Variants in HMCN1 observed in about 807,000 individuals in gnomAD.
The protein encoded by HMCN1 is hemicentin 1.
Under a neutral mutation model 625.9 loss-of-function variants are expected in HMCN1, and 321 were observed. The ratio of observed to expected loss-of-function variants is 0.51; its 90% confidence interval spans 0.47 to 0.56. The LOEUF is 0.56. Among genes scored for constraint, HMCN1 ranks in the 20% least tolerant of loss-of-function variants. The pLI, the probability that HMCN1 is intolerant of heterozygous loss-of-function variation, is 0.00. For synonymous variants in HMCN1, 2,425 were observed against 2,417.6 expected, an observed-to-expected ratio of 1.00 and a Z score of -0.09; for missense variants, 6,588 against 6,887.3, an observed-to-expected ratio of 0.96 and a Z score of 1.54.
intron 15 of HMCN1, among the ~76,000 whole-genome samples, chr1:185,975,210 T>C (rs1651109229): frequency 1.3e-5 from 2 of 152,184 alleles, no homozygotes; most frequent in South Asian, 4.1e-4. Context: ...AACTAGGTCT[T>C]AGAGACTTCG....
intron 42 of HMCN1, among the ~76,000 whole-genome samples, chr1:186,049,828 CT>C (rs1166297037): frequency 5.9e-5 from 9 of 151,786 alleles, no homozygotes; most frequent in African/African-American, 1.9e-4. Context: ...TAGAAAATGA[CT>C]TATAAATAAA....
intron 84 of HMCN1, 105 bp from the exon 85 acceptor site, chr1:186,130,402 C>A (rs1282431882): frequency 1.3e-5 from 15 of 1,164,118 alleles, no homozygotes; most frequent in Non-Finnish European, 1.8e-5. Flanking sequence ...TTTAAGGTGG[C>A]TTTACTCCCC....
chr1:186,094,515 A>G (rs1465477055), intron 67 of HMCN1, 142 bp downstream of exon 67: 1 of 710,012 alleles, frequency 1.4e-6, no homozygotes, highest in African/African-American at 1.8e-5. Context: ...TACTGACTAG[A>G]GAATGTATTT....
At chr1:185,815,579 T>C (rs1659794362) in intron 1 of HMCN1, among the ~76,000 whole-genome samples, 1 of 149,902 alleles carries the variant, frequency 6.7e-6, no homozygotes, top group Admixed American at 6.6e-5. Flanking sequence ...TTATTTGCTG[T>C]GGGGATAATT....
intron 83 of HMCN1, among the ~76,000 whole-genome samples, chr1:186,129,217 A>T (rs1287316195): frequency 6.7e-6 from 1 of 148,716 alleles, no homozygotes; most frequent in African/African-American, 2.5e-5. Context: ...AAAAAAACTT[A>T]AATGAGGAGA....
intron 4 of HMCN1, among the ~76,000 whole-genome samples, chr1:185,890,360 A>G (rs1664982901): frequency 6.8e-6 from 1 of 147,572 alleles, no homozygotes; most frequent in South Asian, 2.1e-4. Context: ...TAGCTTTTGA[A>G]TGGGTTTTCT....
rs1174051649 is a variant in HMCN1 at position 185,805,060 on chromosome 1, T to G, written c.269-40966T>G. On this transcript the variant is annotated intron_variant, in intron 1 of 106. Transcript: ENST00000271588. ...GTGGAAAATGTATCTTGAACCATTT[T>G]AATTAAGTTTTTAGTGGGGAAAAAT... is the stretch of plus-strand genomic sequence containing the variant. 1.3e-5 allele frequency among the ~76,000 whole-genome samples: 2 copies of G among 152,182 alleles called. 1 individual carries two copies. Among genetic ancestry groups the G allele is most frequent in the Admixed American group, 1.3e-4 (2 of 15,272 alleles).
intron 68 of HMCN1, among the ~76,000 whole-genome samples, chr1:186,097,103 G>T (rs539342037): frequency 6.6e-6 from 1 of 152,184 alleles, no homozygotes; most frequent in East Asian, 1.9e-4. Context: ...TGTTCTGTTT[G>T]CAGACAGCAT....
At chr1:186,028,299 G>A (rs1031249115) in intron 36 of HMCN1, among the ~76,000 whole-genome samples, 4 of 152,176 alleles carry the variant, frequency 2.6e-5, no homozygotes, top group African/African-American at 7.2e-5. Flanking sequence ...TCTTCTTGGA[G>A]AATGCAGGCA....
At position 186,153,828 on chromosome 1, in the gene HMCN1, A is replaced by T. The variant is rs1407110586; in HGVS notation, c.15097A>T (p.Ile5033Phe). 1 of 1,614,092 alleles carries T rather than the reference A, an allele frequency of 6.2e-7. No homozygotes were observed. The highest frequency in any genetic ancestry group is 8.5e-7 in the Non-Finnish European group (1 of 1,180,040). ...YSTRLFTIDG[I>F]SIPYTWNHTV... ...AACCCGGCTGTTCACCATTGATGGCATCAGCATCCCATACACATGGAACCA... is the reference window on the plus strand; with the variant it reads ...AACCCGGCTGTTCACCATTGATGGCTTCAGCATCCCATACACATGGAACCA... Residue 5033 changes from isoleucine to phenylalanine, a missense_variant, in exon 97 of 107, where the codon ATC becomes TTC. Around this residue, in one of 3 missense-constraint regions of HMCN1, gnomAD observed 1,954 missense variants for 2,013.1 expected, o/e 0.97. Transcript: ENST00000271588.
At chr1:185,982,219 G>C (rs763078503) in intron 17 of HMCN1, 43 bp from the exon 18 acceptor site, 1 of 1,609,700 alleles carries the variant, frequency 6.2e-7, no homozygotes, top group African/African-American at 1.3e-5. Context: ...CTTTCTTTTG[G>C]GTGAAATAGA....
chr1:185,903,144 T>C (rs1665908962), intron 4 of HMCN1, among the ~76,000 whole-genome samples: 1 of 151,892 alleles, frequency 6.6e-6, no homozygotes, highest in East Asian at 1.9e-4. Flanking sequence ...AAAGATAAAT[T>C]AATGAAATAT....
At chr1:186,182,397 C>A in intron 105 of HMCN1, 110 bp downstream of exon 105, 2 of 1,273,380 alleles carry the variant, frequency 1.6e-6, no homozygotes, top group Non-Finnish European at 2.3e-6. Context: ...CCTTCTTACC[C>A]ATTCCCGTGG....
At chr1:185,926,605 C>T (rs1667289711) in intron 9 of HMCN1, among the ~76,000 whole-genome samples, 1 of 152,030 alleles carries the variant, frequency 6.6e-6, no homozygotes, top group African/African-American at 2.4e-5. Flanking sequence ...CTCATTTTTC[C>T]AGCTCTGTGG....
intron 1 of HMCN1, among the ~76,000 whole-genome samples, chr1:185,839,882 T>C (rs1376650008): frequency 6.6e-6 from 1 of 152,204 alleles, no homozygotes; most frequent in African/African-American, 2.4e-5. Flanking sequence ...TCTTTGGAAG[T>C]GGAACAGAAT....
At chr1:185,961,194 A>C (rs1404843220) in intron 11 of HMCN1, among the ~76,000 whole-genome samples, 1 of 152,216 alleles carries the variant, frequency 6.6e-6, no homozygotes, top group Non-Finnish European at 1.5e-5. Flanking sequence ...TCAGTTGTGT[A>C]GCTGCTGCCG....
At chr1:186,187,612 A>C (rs930108788) in intron 105 of HMCN1, among the ~76,000 whole-genome samples, 14 of 152,160 alleles carry the variant, frequency 9.2e-5, no homozygotes, top group African/African-American at 3.4e-4. Context: ...AGCACCAGAG[A>C]GCTCTTAATA....
rs532580293 is a variant in HMCN1 at position 185,761,080 on chromosome 1, GC to G, written c.268+26034del. Reference sequence around the variant, plus strand: ...AAGGAGCTGGGAAAAGTTTCCCCAAGCAGACCTCTGCTTGGTATTGTAGTAA... The same window carrying G: ...AAGGAGCTGGGAAAAGTTTCCCCAAGAGACCTCTGCTTGGTATTGTAGTAA... On this transcript the variant is annotated intron_variant, in intron 1 of 106. Transcript: ENST00000271588. Among the ~76,000 whole-genome samples the G allele has an allele frequency of 2.6e-3, 391 of 152,262 alleles. 3 individuals are homozygous for G. Among genetic ancestry groups the G allele is most frequent in the African/African-American group, 9.2e-3 (382 of 41,554 alleles).
At chr1:185,768,768 G>A (rs2102140631) in intron 1 of HMCN1, among the ~76,000 whole-genome samples, 1 of 152,044 alleles carries the variant, frequency 6.6e-6, no homozygotes, top group Admixed American at 6.5e-5. Context: ...CAACATAGTA[G>A]GACCCCATCT....
Sources: gnomAD v4.1 joint callset for allele counts (sites outside exome capture counted in the v4.1 genomes callset) on GRCh38, gnomAD v4.1.1 for gene constraint, gnomAD v4.1.1 regional missense constraint, MANE v1.5 for transcripts, NCBI Gene and HGNC (gene_info 2026-07-23, HGNC 2026-07-21) for gene names.